The following TARBP1 variants were observed in gnomAD, a reference collection of about 807,000 sequenced individuals.
TARBP1 encodes the protein tRNA guanosine 2 -O-methyltransferase TARBP1.
Under a neutral mutation model 178.6 loss-of-function variants are expected in TARBP1, and 144 were observed. The ratio of observed to expected loss-of-function variants is 0.81; its 90% CI spans 0.70 to 0.93. The LOEUF is 0.93. Among genes scored for constraint, TARBP1 ranks in the 40% least tolerant of loss-of-function variants. The pLI, the probability that TARBP1 is intolerant of heterozygous loss-of-function variation, is 0.00. For missense variants in TARBP1, 2,067 were observed against 2,011.7 expected (o/e 1.03, Z -0.53); for synonymous variants, 787 against 781.0 (o/e 1.01, Z -0.13).
At chr1:234,457,028 C>T (rs1316437138) in intron 9 of TARBP1, among the ~76,000 whole-genome samples, 1 of 152,076 alleles carries the variant, frequency 6.6e-6, no homozygotes, top group Non-Finnish European at 1.5e-5. Context: ...AAACTAAACC[C>T]CGTGGTTTAC....
intron 12 of TARBP1, among the ~76,000 whole-genome samples, chr1:234,446,056 T>C (rs200096894): frequency 6.6e-6 from 1 of 151,988 alleles, no homozygotes; most frequent in Non-Finnish European, 1.5e-5. Context: ...AAATATTTTT[T>C]ATATTTCATA....
chr1:234,413,997 G>A (rs1035929916), intron 22 of TARBP1, among the ~76,000 whole-genome samples: 3 of 152,066 alleles, frequency 2.0e-5, no homozygotes, highest in Admixed American at 1.3e-4. Context: ...AGTTTGAGGG[G>A]AAAAATAAGG....
intron 10 of TARBP1, among the ~76,000 whole-genome samples, 188 bp downstream of exon 10, chr1:234,450,240 A>G (rs1204723538): frequency 1.3e-5 from 2 of 152,164 alleles, no homozygotes; most frequent in African/African-American, 2.4e-5. Context: ...CAGAACAGAT[A>G]AAGTATTAAT....
At chr1:234,461,623 G>A (rs1572386765) in intron 6 of TARBP1, among the ~76,000 whole-genome samples, 1 of 152,246 alleles carries the variant, frequency 6.6e-6, no homozygotes, top group Middle Eastern at 3.4e-3. Flanking sequence ...AGATAAAATT[G>A]TTTATGATTA....
Position 234,428,346 on chromosome 1 carries a change from C to A in TARBP1, c.3061-580G>T, listed in dbSNP as rs966129055. 6.0e-5 allele frequency among the ~76,000 whole-genome samples: 9 copies of A among 150,644 alleles called. No individual in the cohort carries two copies. In the East Asian group the frequency reaches 7.9e-4, roughly 13 times the overall value. ...TCAGAAAAATATTTCTCTACACACACAAAAAAAAACCTCAGCCAAAGTGCA... is the reference window on the plus strand; with the variant it reads ...TCAGAAAAATATTTCTCTACACACAAAAAAAAAAACCTCAGCCAAAGTGCA... On this transcript the variant is annotated intron_variant, in intron 17 of 29. Transcript: ENST00000040877.
chr1:234,447,637 T>C (rs1030367675), intron 11 of TARBP1, among the ~76,000 whole-genome samples: 25 of 152,078 alleles, frequency 1.6e-4, no homozygotes, highest in African/African-American at 6.0e-4. Flanking sequence ...AAAATCTTTG[T>C]CTAGAAAAGA....
intron 2 of TARBP1, 42 bp from the exon 3 acceptor site, chr1:234,471,299 T>A (rs1439614123): frequency 3.0e-6 from 4 of 1,322,610 alleles, no homozygotes; most frequent in Non-Finnish European, 4.2e-6. Context: ...TGAAAATGCA[T>A]CTTGAAAAAT....
At chr1:234,421,518 G>GCCC (rs34306371) in intron 20 of TARBP1, among the ~76,000 whole-genome samples, 4 of 151,868 alleles carry the variant, frequency 2.6e-5, no homozygotes, top group Admixed American at 6.6e-5. Flanking sequence ...CTCACCTTGT[G>GCCC]CCCCCGTGTC....
chr1:234,396,549 A>G, intron 26 of TARBP1, among the ~76,000 whole-genome samples: 1 of 152,110 alleles, frequency 6.6e-6, no homozygotes, highest in East Asian at 1.9e-4. Flanking sequence ...TCTCCTCTGT[A>G]AGAATGTGGG....
At chr1:234,446,187 C>G (rs950167285) in intron 12 of TARBP1, among the ~76,000 whole-genome samples, 8 of 152,122 alleles carry the variant, frequency 5.3e-5, no homozygotes, top group Non-Finnish European at 1.2e-4. Flanking sequence ...TCAGGAAGGA[C>G]TGGGAGGTTC....
At chr1:234,468,683 G>C (rs1414536969) in intron 3 of TARBP1, among the ~76,000 whole-genome samples, 1 of 152,074 alleles carries the variant, frequency 6.6e-6, no homozygotes, top group Non-Finnish European at 1.5e-5. Context: ...TTAGAATAAA[G>C]TCCAAACAAG....
rs557465799 is a variant in TARBP1, at chr1:234,425,594, C to T, written c.3444+79G>A. On this transcript the variant is annotated intron_variant, in intron 20 of 29. Transcript: ENST00000040877. ...TCCTGACAAAAGATATTTAGAAGTA[C>T]ATATTCTAGCAACATAAAGAGCAAA... 32 of 1,386,882 alleles carry T rather than the reference C, an allele frequency of 2.3e-5. No homozygotes were observed. The African/African-American group carries it at 4.1e-4, about 18-fold the overall frequency. 85.9% of individuals were successfully genotyped at this position (1,386,882 alleles called of 1,614,324 possible). A position where few individuals can be genotyped will look rare whatever the true frequency, so the allele number is the denominator to read the frequency against.
intron 14 of TARBP1, 36 bp from the exon 15 acceptor site, chr1:234,430,337 G>A: frequency 6.3e-7 from 1 of 1,587,888 alleles, no homozygotes. Context: ...TATTTAATAT[G>A]CACAAGTCTT....
chr1:234,443,801 A>C (rs1665854223), intron 12 of TARBP1, among the ~76,000 whole-genome samples: 1 of 152,252 alleles, frequency 6.6e-6, no homozygotes, highest in African/African-American at 2.4e-5. Flanking sequence ...GATACATGCT[A>C]CAACATGGAT....
In TARBP1 at chr1:234,429,332, G is replaced by GAA. The variant is rs4027042; in HGVS notation, c.2872-10_2872-9dup. On this transcript the variant is annotated splice_polypyrimidine_tract_variant and intron_variant, in intron 16 of 29. Transcript: ENST00000040877. ...TTCAGAGGAAGTCAGAAGCTGGTAG[G>GAA]AAAAAAAAAAATACATACTTATTTC... The GAA allele has an allele frequency of 0.095, 122,988 of 1,291,160 alleles. 1,591 individuals carry two copies. Among genetic ancestry groups the GAA allele is most frequent in the East Asian group, 0.23 (8,676 of 38,216 alleles). 80.0% of individuals were successfully genotyped at this position (1,291,160 alleles called of 1,614,324 possible).
At position 234,393,416 on chromosome 1, in the gene TARBP1, G is replaced by A; in HGVS notation, c.4506C>T (p.Asp1502=). Residue 1502 remains aspartate (D), a synonymous_variant, in exon 28 of 30, where the codon GAC becomes GAT. Coordinates refer to ENST00000040877, the MANE Select transcript of TARBP1 (RefSeq NM_005646.4). ...LVVGSLQCIS[D]KQFQHLSVSA... is the part of the protein sequence containing the mutation. ...AGACACTGAGGTGCTGAAACTGTTTGTCGCTGATACACTGAAGGCTGCCAA... is the reference window on the plus strand; with the variant it reads ...AGACACTGAGGTGCTGAAACTGTTTATCGCTGATACACTGAAGGCTGCCAA... 1 of 1,609,414 alleles carries A rather than the reference G, an allele frequency of 6.2e-7. No homozygotes were observed. Among genetic ancestry groups the A allele is most frequent in the Non-Finnish European group, 8.5e-7 (1 of 1,177,388 alleles).
chr1:234,408,405 A>G (rs1198943531), intron 23 of TARBP1, among the ~76,000 whole-genome samples: 1 of 152,190 alleles, frequency 6.6e-6, no homozygotes, highest in African/African-American at 2.4e-5. Context: ...TAAAACAAAG[A>G]TGATAACAGC....
chr1:234,403,049 C>T (rs1305308809), intron 24 of TARBP1, among the ~76,000 whole-genome samples: 3 of 152,094 alleles, frequency 2.0e-5, no homozygotes, highest in Non-Finnish European at 4.4e-5. Context: ...CACAATTTTC[C>T]TCCCACTCTC....
At chr1:234,427,015 C>T (rs1663855238) in intron 19 of TARBP1, among the ~76,000 whole-genome samples, 1 of 152,152 alleles carries the variant, frequency 6.6e-6, no homozygotes, top group Non-Finnish European at 1.5e-5. Flanking sequence ...TGCTGATAAT[C>T]ATCCCATCCC....
Sources: gnomAD v4.1 joint callset for allele counts (sites outside exome capture counted in the v4.1 genomes callset) on GRCh38, gnomAD v4.1.1 for gene constraint, MANE v1.5 for transcripts, NCBI Gene and HGNC (gene_info 2026-07-23, HGNC 2026-07-21) for gene names.